MACF1: variants seen among roughly 807,000 people sequenced by gnomAD.
MACF1 encodes microtubule actin crosslinking factor 1.
A neutral mutation model predicts 854.8 loss-of-function variants in MACF1; 193 were observed. The observed-to-expected ratio is 0.23, with a 90% CI of 0.20 to 0.25. The LOEUF is 0.25. Ranked by LOEUF, MACF1 falls within the 10% of genes least tolerant of loss-of-function variation. The probability of loss-of-function intolerance (pLI) is 1.00; values close to 1 mark genes in which losing one functional copy is unlikely to be tolerated. For missense variants in MACF1, 7,722 were observed against 8,929.1 expected, an observed-to-expected ratio of 0.86 and a Z score of 5.45; for synonymous variants, 3,185 against 3,226.7, an observed-to-expected ratio of 0.99 and a Z score of 0.44.
chr1:39,084,311 G>A lies in MACF1; in HGVS notation c.93G>A (p.Ser31=), dbSNP rs3736890. ...AGCGATCTTACAGGAGCGAGCGGTC[G>A]GGGAGCCTGTCTCCCTGTCCCCCAG... The change falls in exon 2 of 94, where the codon TCG becomes TCA. Residue 31 remains serine (S), a synonymous_variant. Transcript: ENST00000361689. This position sits in a 1 kb window ranked among gnomAD's most constrained non-coding sequence, Gnocchi z 5.2. 0.17 allele frequency: 278,630 copies of A among 1,613,638 alleles called. 25,821 individuals carry two copies. The highest frequency in any genetic ancestry group is 0.19 in the Non-Finnish European group (221,428 of 1,179,924).
At position 39,108,883 on chromosome 1, in the gene MACF1, G is replaced by T. The variant is rs145433111; in HGVS notation, c.220+24445G>T. On this transcript the variant is annotated intron_variant, in intron 2 of 93. Coordinates refer to the MACF1 transcript ENST00000361689. ...AGAGAACATTCACATTTCAACATTG[G>T]TAACATCTATCTGGTACTTATGAAA... 8.5e-5 allele frequency among the ~76,000 whole-genome samples: 13 copies of T among 152,302 alleles called. No individual in the cohort carries two copies. The East Asian group carries it at 2.3e-3, about 27-fold the overall frequency.
intron 6 of MACF1, 23 bp downstream of exon 6, chr1:39,258,051 T>C: frequency 6.3e-7 from 1 of 1,590,544 alleles, no homozygotes; most frequent in Non-Finnish European, 8.6e-7. Flanking sequence ...AAGTTTGGAA[T>C]TCCTGTTGCT....
At chr1:39,119,125 C>T (rs980511828) in intron 2 of MACF1, among the ~76,000 whole-genome samples, 4 of 152,008 alleles carry the variant, frequency 2.6e-5, no homozygotes, top group East Asian at 1.9e-4. Context: ...TCTAGACCAG[C>T]GGGACCAACA....
chr1:39,369,632 C>G (rs1301304936), intron 50 of MACF1, among the ~76,000 whole-genome samples: 2 of 152,356 alleles, frequency 1.3e-5, no homozygotes, highest in East Asian at 3.9e-4. Context: ...TCGGCACCTT[C>G]CTTGCTAAAG....
chr1:39,260,722 AAAC>A (rs552141164), intron 6 of MACF1, among the ~76,000 whole-genome samples: 3 of 151,952 alleles, frequency 2.0e-5, no homozygotes, highest in Non-Finnish European at 4.4e-5. Context: ...TTATCTCTAA[AAAC>A]AACAACAACA....
At position 39,334,529 on chromosome 1, in the gene MACF1, A is replaced by G. The variant is rs753966294; in HGVS notation, c.7941A>G (p.Leu2647=). Residue 2647 remains leucine (L), a synonymous_variant, in exon 37 of 101, where the codon CTA becomes CTG. Coordinates refer to ENST00000564288, the MANE Select transcript of MACF1 (RefSeq NM_001394062.1). ...KIDIESGQRY[L]EVIPFSDIKD... The stretch of plus-strand genomic sequence containing the variant: ...ATATTGAATCTGGACAGAGATATCT[A>G]GAAGTAATTCCCTTCTCAGACATTA... 4.3e-6 allele frequency: 7 copies of G among 1,614,160 alleles called. No homozygotes were observed. The highest frequency in any genetic ancestry group is 5.9e-6 in the Non-Finnish European group (7 of 1,179,996).
At chr1:39,174,377 T>A (rs1643996889) in intron 2 of MACF1, among the ~76,000 whole-genome samples, 1 of 152,216 alleles carries the variant, frequency 6.6e-6, no homozygotes, top group Non-Finnish European at 1.5e-5. Flanking sequence ...AGTAAGAGCT[T>A]ATCCCAGTAA....
intron 2 of MACF1, among the ~76,000 whole-genome samples, chr1:39,180,941 C>G (rs886478567): frequency 1.3e-5 from 2 of 152,180 alleles, no homozygotes; most frequent in Non-Finnish European, 2.9e-5. Flanking sequence ...GGGTCTGGCT[C>G]TGTTGCCCAG....
intron 47 of MACF1, among the ~76,000 whole-genome samples, chr1:39,359,942 G>C (rs1305074696): frequency 7.6e-6 from 1 of 130,824 alleles, no homozygotes; most frequent in African/African-American, 2.9e-5. Flanking sequence ...AGCTGAGATC[G>C]TGCCACTGCA....
At chr1:39,403,685 C>T (rs1286888475) in intron 58 of MACF1, among the ~76,000 whole-genome samples, 1 of 152,126 alleles carries the variant, frequency 6.6e-6, no homozygotes, top group Admixed American at 6.6e-5. Flanking sequence ...ACTTTCACAG[C>T]CCTCTTCCTC....
chr1:39,351,215 C>T (rs980606534), intron 43 of MACF1, among the ~76,000 whole-genome samples, 197 bp downstream of exon 43: 1 of 152,096 alleles, frequency 6.6e-6, no homozygotes, highest in Non-Finnish European at 1.5e-5. Context: ...GGCATGATCT[C>T]GGCTTACTGC....
At chr1:39,408,301 G>C (rs1642794243) in intron 58 of MACF1, among the ~76,000 whole-genome samples, 1 of 152,218 alleles carries the variant, frequency 6.6e-6, no homozygotes, top group African/African-American at 2.4e-5. Flanking sequence ...GGGGGAGAGG[G>C]AAGGTAGAAT....
At chr1:39,259,267 C>A (rs758232399) in intron 6 of MACF1, among the ~76,000 whole-genome samples, 2 of 152,152 alleles carry the variant, frequency 1.3e-5, no homozygotes, top group Non-Finnish European at 2.9e-5. Context: ...CCAACTACTA[C>A]AACTAAATTA....
chr1:39,205,418 T>A (rs1179650891), intron 1 of MACF1, among the ~76,000 whole-genome samples: 1 of 152,218 alleles, frequency 6.6e-6, no homozygotes, highest in Non-Finnish European at 1.5e-5. Context: ...AAGTGGCTGC[T>A]GTGCTGACTT....
At chr1:39,425,864 G>C (rs954897443) in intron 61 of MACF1, among the ~76,000 whole-genome samples, 2 of 152,044 alleles carry the variant, frequency 1.3e-5, no homozygotes, top group Admixed American at 1.3e-4. Context: ...GTCATGGTTT[G>C]TTTATCTAAT....
chr1:39,096,836 G>A (rs1266806758), intron 2 of MACF1, among the ~76,000 whole-genome samples: 1 of 150,234 alleles, frequency 6.7e-6, no homozygotes, highest in African/African-American at 2.5e-5. Flanking sequence ...TGGAACCACT[G>A]CCACCTGACC....
Position 39,380,224 on chromosome 1 carries a change from C to T in MACF1, c.13519-20C>T, listed in dbSNP as rs1249965894. On this transcript the variant is annotated intron_variant, in intron 54 of 100. Transcript: ENST00000564288. Reference sequence around the variant, plus strand: ...TTCCTGTCCAGAATCTCATGGCATGCATGGCATTCTTTCTCCTAGGCCTTC... The same window carrying T: ...TTCCTGTCCAGAATCTCATGGCATGTATGGCATTCTTTCTCCTAGGCCTTC... The T allele has an allele frequency of 5.0e-6, 8 of 1,609,118 alleles. No individual in the cohort carries two copies. Among genetic ancestry groups the T allele is most frequent in the South Asian group, 2.2e-5 (2 of 90,244 alleles).
chr1:39,468,330 A>T (rs1362577591), intron 95 of MACF1, among the ~76,000 whole-genome samples: 2 of 152,258 alleles, frequency 1.3e-5, no homozygotes, highest in Non-Finnish European at 2.9e-5. Context: ...CAGAGGTTAC[A>T]GTAAGCTGAG....
intron 2 of MACF1, among the ~76,000 whole-genome samples, chr1:39,132,806 A>G (rs1374045059): frequency 6.6e-6 from 1 of 152,150 alleles, no homozygotes; most frequent in Non-Finnish European, 1.5e-5. Context: ...AATGGCTTTC[A>G]TTTGAGGAAT....
Sources: gnomAD v4.1 joint callset for allele counts (sites outside exome capture counted in the v4.1 genomes callset) on GRCh38, gnomAD v4.1.1 for gene constraint, Gnocchi (gnomAD v3.1) non-coding constraint, MANE v1.5 for transcripts, NCBI Gene and HGNC (gene_info 2026-07-23, HGNC 2026-07-21) for gene names.